Variants in TSPO observed in about 807,000 individuals in gnomAD.
TSPO encodes the protein translocator protein, also known as benzodiazepine peripheral binding site.
In TSPO, 14 loss-of-function variants were observed where a neutral mutation model predicts 13.9. The observed-to-expected ratio is 1.01, with a 90% CI of 0.67 to 1.58. The LOEUF (loss-of-function observed/expected upper bound fraction) is 1.58. Among genes scored for constraint, TSPO ranks in the 40% most tolerant of loss-of-function variants. The pLI is 0.00. For missense variants in TSPO, 232 were observed against 229.6 expected (o/e 1.01, Z -0.07); for synonymous variants, 114 against 105.9 (o/e 1.08, Z -0.47).
intron 3 of TSPO, 122 bp downstream of exon 3, chr22:43,161,312 C>T (rs1931431073): frequency 7.2e-7 from 1 of 1,390,620 alleles, no homozygotes; most frequent in African/African-American, 1.4e-5. Context: ...AAGGCCATGT[C>T]TCTCTAGCTG....
At chr22:43,157,377 A>AT (rs1555977098) in intron 1 of TSPO, among the ~76,000 whole-genome samples, 2 of 151,594 alleles carry the variant, frequency 1.3e-5, no homozygotes, top group Non-Finnish European at 2.9e-5. Context: ...TCACATGCCC[A>AT]CCCCCCCAGA....
At chr22:43,158,354 C>T (rs1418511492) in intron 1 of TSPO, among the ~76,000 whole-genome samples, 1 of 152,254 alleles carries the variant, frequency 6.6e-6, no homozygotes, top group Non-Finnish European at 1.5e-5. Flanking sequence ...CTAGCCCTCG[C>T]CCCAGCAGGC....
intron 3 of TSPO, among the ~76,000 whole-genome samples, chr22:43,161,479 C>T (rs186603251): frequency 3.7e-4 from 56 of 152,102 alleles, no homozygotes; most frequent in Admixed American, 3.7e-3. Context: ...GGCCCCTCTA[C>T]ATAACAGCTT....
In TSPO at chr22:43,159,259, C is replaced by T. The variant is rs762240782; in HGVS notation, c.21C>T (p.Pro7=). MAPPWV[P]AMGFTLAPSL... Reference sequence around the variant, plus strand: ...CAGCCATGGCCCCGCCCTGGGTGCCCGCCATGGGCTTCACGCTGGCGCCCA... The same window carrying T: ...CAGCCATGGCCCCGCCCTGGGTGCCTGCCATGGGCTTCACGCTGGCGCCCA... The change falls in exon 2 of 4, where the codon CCC becomes CCT. Residue 7 remains proline, a synonymous_variant. Transcript: ENST00000337554. 1.0e-5 allele frequency: 16 copies of T among 1,557,964 alleles called. No individual in the cohort carries two copies. Among genetic ancestry groups the T allele is most frequent in the African/African-American group, 5.4e-5 (4 of 73,474 alleles).
chr22:43,153,117 C>T (rs868483960), intron 1 of TSPO, among the ~76,000 whole-genome samples: 6 of 46,856 alleles, frequency 1.3e-4, no homozygotes, highest in Non-Finnish European at 1.5e-4. Context: ...TTCTCTTTCT[C>T]TTTTTTTCTT....
chr22:43,153,412 C>T lies in TSPO; in HGVS notation c.-30+1808C>T, dbSNP rs1344695911. 3.1e-5 allele frequency among the ~76,000 whole-genome samples: 2 copies of T among 63,618 alleles called. 1 individual carries two copies. Among genetic ancestry groups the T allele is most frequent in the Non-Finnish European group, 6.3e-5 (2 of 31,946 alleles). The allele number at this position is 63,618 out of a possible 152,430, so 41.7% of individuals were successfully genotyped here. On this transcript the variant is annotated intron_variant, in intron 1 of 3. Transcript: ENST00000337554. ...CAGGCCGGACTGCGGACTGCAGTGG[C>T]GCAATCTCGGCTCACTGCAAGCTCC... is the stretch of plus-strand genomic sequence containing the variant.
intron 2 of TSPO, among the ~76,000 whole-genome samples, chr22:43,160,405 G>A (rs766011273): frequency 6.6e-6 from 1 of 152,180 alleles, no homozygotes; most frequent in Non-Finnish European, 1.5e-5. Flanking sequence ...TCACTTCACC[G>A]CCTCAGTCTC....
At chr22:43,152,255 C>T (rs959526053) in intron 1 of TSPO, 1 of 152,446 alleles carries the variant, frequency 6.6e-6, no homozygotes. Flanking sequence ...TGTGAACGCG[C>T]TGCTGGCCAG....
At chr22:43,153,074 T>TTCTTCTTTC (rs1931131714) in intron 1 of TSPO, among the ~76,000 whole-genome samples, 1 of 130,266 alleles carries the variant, frequency 7.7e-6, no homozygotes, top group African/African-American at 3.1e-5. Flanking sequence ...TTCTTTCTCT[T>TTCTTCTTTC]TCTTTCTTTC....
chr22:43,163,030 T>C lies in TSPO; in HGVS notation c.*39T>C, dbSNP rs923404977. On this transcript the variant is annotated 3_prime_UTR_variant, in exon 4 of 4. Coordinates refer to ENST00000337554, the MANE Select transcript of TSPO (RefSeq NM_000714.6). ...CAGGGACTGCAGCTGCACCAGCAGG[T>C]GCCATCACGCTTGTGATGTGGTGGC... 49 of 1,573,778 alleles carry C rather than the reference T, an allele frequency of 3.1e-5. No homozygotes were observed. Among genetic ancestry groups the C allele is most frequent in the Non-Finnish European group, 3.9e-5 (45 of 1,160,078 alleles).
intron 1 of TSPO, among the ~76,000 whole-genome samples, chr22:43,156,888 A>C (rs1265020116): frequency 6.6e-6 from 1 of 152,098 alleles, no homozygotes; most frequent in Non-Finnish European, 1.5e-5. Flanking sequence ...GGTGGGCCTC[A>C]ACTGAGGGTG....
chr22:43,158,024 C>T (rs1424570510), intron 1 of TSPO, among the ~76,000 whole-genome samples: 3 of 152,302 alleles, frequency 2.0e-5, no homozygotes, highest in African/African-American at 7.2e-5. Flanking sequence ...GAGGTTGCTT[C>T]TGTGCTCACC....
chr22:43,162,997 C>T lies in TSPO; in HGVS notation c.*6C>T, dbSNP rs1038384055. 1.1e-5 allele frequency: 18 copies of T among 1,580,122 alleles called. No individual in the cohort carries two copies. Among genetic ancestry groups the T allele is most frequent in the African/African-American group, 2.7e-5 (2 of 74,228 alleles). On this transcript the variant is annotated 3_prime_UTR_variant, in exon 4 of 4. Transcript: ENST00000337554. ...GACGGCGGCTGCCAGAGTGAGTGCCCGGCCCACCAGGGACTGCAGCTGCAC... is the reference window on the plus strand; with the variant it reads ...GACGGCGGCTGCCAGAGTGAGTGCCTGGCCCACCAGGGACTGCAGCTGCAC...
chr22:43,152,472 C>G (rs932455357), intron 1 of TSPO, among the ~76,000 whole-genome samples: 1 of 152,270 alleles, frequency 6.6e-6, no homozygotes, highest in East Asian at 1.9e-4. Context: ...TTGCCTGGCA[C>G]ACAGCAAGCC....
At chr22:43,156,152 A>G (rs1400334058) in intron 1 of TSPO, among the ~76,000 whole-genome samples, 1 of 152,178 alleles carries the variant, frequency 6.6e-6, no homozygotes. Context: ...CTGGGGTGGG[A>G]GTGTGAGCAC....
chr22:43,152,668 C>T (rs1931109702), intron 1 of TSPO, among the ~76,000 whole-genome samples: 1 of 152,398 alleles, frequency 6.6e-6, no homozygotes, highest in South Asian at 2.1e-4. Flanking sequence ...CACCTGGCTG[C>T]TGGCAGCCCC....
intron 1 of TSPO, chr22:43,151,893 C>T (rs1273822151): frequency 6.6e-6 from 1 of 152,236 alleles, no homozygotes; most frequent in African/African-American, 2.4e-5. Flanking sequence ...CGCGTGGCTT[C>T]TCCTGCAGGA....
At chr22:43,157,098 G>A (rs780898209) in intron 1 of TSPO, among the ~76,000 whole-genome samples, 1 of 152,180 alleles carries the variant, frequency 6.6e-6, no homozygotes, top group South Asian at 2.1e-4. Context: ...GTAGTGGGAG[G>A]CTGAGCTGGG....
In TSPO at chr22:43,159,340, C is replaced by T. The variant is rs761915112; in HGVS notation, c.102C>T (p.Tyr34=). Residue 34 remains tyrosine, a synonymous_variant, in exon 2 of 4, where the codon TAC becomes TAT. Transcript: ENST00000337554. ...RFVHGEGLRW[Y]AGLQKPSWHP... ...TCCACGGCGAGGGTCTCCGCTGGTA[C>T]GCCGGCCTGCAGAAGCCCTCGTGGC... 25 of 1,547,696 alleles carry T rather than the reference C, an allele frequency of 1.6e-5. No individual in the cohort carries two copies. Among genetic ancestry groups the T allele is most frequent in the South Asian group, 1.3e-4 (11 of 83,874 alleles).
Sources: allele counts gnomAD v4.1 joint callset (sites outside exome capture counted in the v4.1 genomes callset), GRCh38; gene constraint gnomAD v4.1.1; transcripts MANE v1.5; gene names NCBI Gene and HGNC (gene_info 2026-07-23, HGNC 2026-07-21).